PLCB3: variants seen among roughly 807,000 people sequenced by gnomAD.
PLCB3 encodes phospholipase C beta 3.
PLCB3 carries 54 observed loss-of-function variants against 152.1 expected under a neutral mutation model. That is an observed-to-expected ratio of 0.36 (90% confidence interval 0.29 to 0.45). The LOEUF (loss-of-function observed/expected upper bound fraction) is 0.45. Among genes scored for constraint, PLCB3 ranks in the 20% least tolerant of loss-of-function variants. PLCB3 has a pLI of 1.00. For missense variants in PLCB3, 1,248 were observed against 1,687.5 expected (o/e 0.74, Z 4.56); for synonymous variants, 717 against 698.7 (o/e 1.03, Z -0.41).
chr11:64,267,691 C>T lies in PLCB3; in HGVS notation c.*135C>T. ...TATTTTTTTAAACCCGGGGCAAGTA[C>T]CTCAGCTAACTCCCTTCATCCTCCT... On this transcript the variant is annotated 3_prime_UTR_variant, in exon 31 of 31. Coordinates refer to ENST00000279230, the MANE Select transcript of PLCB3 (RefSeq NM_000932.5). The surrounding 1 kb of genome is among the most constrained non-coding windows in gnomAD (Gnocchi z 5.2). The T allele has an allele frequency of 1.4e-6, 1 of 708,516 alleles. No homozygotes were observed. Among genetic ancestry groups the T allele is most frequent in the South Asian group, 2.0e-5 (1 of 50,916 alleles). The allele number at this position is 708,516 out of a possible 1,614,324, so 43.9% of individuals were successfully genotyped here. A position where few individuals can be genotyped will look rare whatever the true frequency, so the allele number is the denominator to read the frequency against.
chr11:64,263,907 G>A, intron 21 of PLCB3, 112 bp downstream of exon 21: 1 of 1,186,136 alleles, frequency 8.4e-7, no homozygotes, highest in Non-Finnish European at 1.2e-6. Context: ...AGGGAACTGA[G>A]TAGGGAACAG....
At chr11:64,260,286 A>G (rs2031782840) in intron 14 of PLCB3, 52 bp downstream of exon 14, 1 of 1,351,670 alleles carries the variant, frequency 7.4e-7, no homozygotes. Context: ...TTTACCTCCC[A>G]GGGGGCTGGG....
intron 1 of PLCB3, among the ~76,000 whole-genome samples, chr11:64,252,387 C>T (rs1267770984): frequency 6.6e-6 from 1 of 152,132 alleles, no homozygotes; most frequent in Non-Finnish European, 1.5e-5. Flanking sequence ...ACCTTGAACC[C>T]CAATACATCC....
chr11:64,263,391 G>A (rs1591112555), intron 19 of PLCB3, 107 bp from the exon 20 acceptor site: 20 of 679,314 alleles, frequency 2.9e-5, no homozygotes, highest in South Asian at 5.5e-5. Flanking sequence ...AGGTCAGCTC[G>A]TCTGAAGGTC....
rs1258197895 is a variant in PLCB3 at position 64,262,698 on chromosome 11, G to A, written c.2245G>A (p.Val749Met). The change falls in exon 19 of 31, where the codon GTG (valine) becomes ATG (methionine). Residue 749 changes from valine (V) to methionine (M), a missense_variant. Val to Met is a conservative substitution (Grantham distance 21). This residue lies in a region of PLCB3 where 244 missense variants were observed against 424.4 expected (regional missense o/e 0.57). Coordinates refer to ENST00000279230, the MANE Select transcript of PLCB3 (RefSeq NM_000932.5). ...SDRKVGIYVE[V>M]DMFGLPVDTR... ...CAGGAAGGTGGGCATCTACGTGGAG[G>A]TGGACATGTTTGGCCTCCCTGTTGA... is the stretch of plus-strand genomic sequence containing the variant. The A allele has an allele frequency of 6.2e-7, 1 of 1,613,876 alleles. No individual in the cohort carries two copies. Among genetic ancestry groups the A allele is most frequent in the Non-Finnish European group, 8.5e-7 (1 of 1,180,034 alleles).
At position 64,251,630 on chromosome 11, in the gene PLCB3, G is replaced by T; in HGVS notation, c.-20G>T. On this transcript the variant is annotated 5_prime_UTR_variant, in exon 1 of 31. Transcript: ENST00000279230. ...CCCCGTCAGGGCTCCGTGGGTCCCC[G>T]ACCCGCCCCTGGCCGGGCCATGGCG... 1 of 1,394,510 alleles carries T rather than the reference G, an allele frequency of 7.2e-7. No homozygotes were observed. Among genetic ancestry groups the T allele is most frequent in the Non-Finnish European group, 9.5e-7 (1 of 1,057,424 alleles). 86.4% of individuals were successfully genotyped at this position (1,394,510 alleles called of 1,614,324 possible).
intron 1 of PLCB3, among the ~76,000 whole-genome samples, chr11:64,253,074 C>T (rs1047099920): frequency 3.9e-5 from 6 of 152,206 alleles, no homozygotes; most frequent in East Asian, 1.9e-4. Flanking sequence ...CCCAGATGAA[C>T]GCCCATCTTT....
Position 64,265,380 on chromosome 11 carries a change from G to C in PLCB3, c.2913G>C (p.Glu971Asp), listed in dbSNP as rs942252516. The C allele has an allele frequency of 1.2e-6, 2 of 1,612,436 alleles. No homozygotes were observed. The highest frequency in any genetic ancestry group is 1.7e-6 in the Non-Finnish European group (2 of 1,179,688). ...TGGTCAAGCTCCGGAGCCGGCAAGA[G>C]CGAGACCTGCGGGAGCTGCGCAAGA... ...KALVKLRSRQ[E>D]RDLRELRKKH... The change falls in exon 25 of 31, where the codon GAG (glutamate) becomes GAC (aspartate). Residue 971 changes from glutamate to aspartate, a missense_variant. Physicochemically the swap from Glu to Asp is conservative, Grantham distance 45. This residue lies in a region of PLCB3 where 477 missense variants were observed against 489.6 expected (regional missense o/e 0.97). Coordinates refer to ENST00000279230, the MANE Select transcript of PLCB3 (RefSeq NM_000932.5).
At chr11:64,265,634 G>A in intron 25 of PLCB3, 132 bp downstream of exon 25, 23 of 1,412,100 alleles carry the variant, frequency 1.6e-5, no homozygotes, top group Non-Finnish European at 2.1e-5. Flanking sequence ...CAAGGATGGA[G>A]GAGGCTTTCC....
intron 14 of PLCB3, among the ~76,000 whole-genome samples, chr11:64,260,926 A>T (rs1668113695): frequency 6.6e-6 from 1 of 152,208 alleles, no homozygotes; most frequent in Non-Finnish European, 1.5e-5. Flanking sequence ...GAGAATGTCC[A>T]TATATGCTGA....
chr11:64,263,124 G>A (rs984867403), intron 19 of PLCB3, among the ~76,000 whole-genome samples: 2 of 152,182 alleles, frequency 1.3e-5, no homozygotes, highest in African/African-American at 4.8e-5. Flanking sequence ...GCTCATATCC[G>A]CTCTTCAGCA....
rs1178670983 is a variant in PLCB3 at position 64,267,212 on chromosome 11, G to A, written c.3442G>A (p.Asp1148Asn). ...RLEEAQKQRH[D>N]RLVAGQQQVL... ...GGAGGAGGCCCAGAAGCAGCGGCAT[G>A]ACCGTCTTGTGGCTGGGCAGCAGCA... Residue 1148 changes from aspartate to asparagine, a missense_variant, in exon 30 of 31, where the codon GAC (aspartate) becomes AAC (asparagine). Coordinates refer to ENST00000279230, the MANE Select transcript of PLCB3 (RefSeq NM_000932.5). This position sits in a 1 kb window ranked among gnomAD's most constrained non-coding sequence, Gnocchi z 5.2. 1.9e-6 allele frequency: 3 copies of A among 1,550,440 alleles called. No homozygotes were observed. The highest frequency in any genetic ancestry group is 1.7e-6 in the Non-Finnish European group (2 of 1,147,000).
Position 64,258,755 on chromosome 11 carries a change from A to G in PLCB3, c.1253+42A>G. 2 of 1,610,228 alleles carry G rather than the reference A, an allele frequency of 1.2e-6. No homozygotes were observed. The highest frequency in any genetic ancestry group is 1.7e-6 in the Non-Finnish European group (2 of 1,177,390). ...CATGAAACCCCATGGACCGGGGGAC[A>G]GTCTTCCAGCTTCAGTGCTGTTGGA... On this transcript the variant is annotated intron_variant, in intron 11 of 30. Transcript: ENST00000279230. This position sits in a 1 kb window ranked among gnomAD's most constrained non-coding sequence, Gnocchi z 7.2.
At chr11:64,260,355 G>A in intron 14 of PLCB3, 121 bp downstream of exon 14, 1 of 696,344 alleles carries the variant, frequency 1.4e-6, no homozygotes, top group Non-Finnish European at 2.5e-6. Flanking sequence ...GTGGGTGTGA[G>A]TGAAGGTGGG....
rs768430776 is a variant in PLCB3, at chr11:64,254,737, G to T, written c.178-11G>T. 4 of 1,612,128 alleles carry T rather than the reference G, an allele frequency of 2.5e-6. No homozygotes were observed. Among genetic ancestry groups the T allele is most frequent in the Non-Finnish European group, 3.4e-6 (4 of 1,179,728 alleles). On this transcript the variant is annotated splice_polypyrimidine_tract_variant and intron_variant, in intron 2 of 30. Transcript: ENST00000279230. The stretch of plus-strand genomic sequence containing the variant: ...CCTCTCATACTCAGCCTGGCATCTG[G>T]TTCCCCCCAGGAGGTGGACACACTG...
chr11:64,259,348 C>T, intron 13 of PLCB3, 104 bp downstream of exon 13: 2 of 992,554 alleles, frequency 2.0e-6, no homozygotes, highest in Non-Finnish European at 2.9e-6. Context: ...ACCCTCCTGC[C>T]TCGCTGTGCG....
chr11:64,254,720 A>T (rs779480410), intron 2 of PLCB3, 28 bp from the exon 3 acceptor site: 1 of 1,609,166 alleles, frequency 6.2e-7, no homozygotes, highest in African/African-American at 1.3e-5. Context: ...AGCCTCTCAT[A>T]CTCAGCCTGG....
intron 8 of PLCB3, 26 bp from the exon 9 acceptor site, chr11:64,256,350 C>T (rs1383693700): frequency 3.7e-6 from 6 of 1,609,038 alleles, no homozygotes; most frequent in African/African-American, 2.7e-5. Flanking sequence ...AGGCTCCATC[C>T]TGACCCAGCT....
chr11:64,264,435 G>T (rs1297811722), intron 22 of PLCB3, among the ~76,000 whole-genome samples: 1 of 152,206 alleles, frequency 6.6e-6, no homozygotes, highest in East Asian at 1.9e-4. Flanking sequence ...CTTCCGTGGG[G>T]AGGGGTCAGG....
Sources: allele counts gnomAD v4.1 joint callset (sites outside exome capture counted in the v4.1 genomes callset), GRCh38; gene constraint gnomAD v4.1.1; regional missense constraint gnomAD v4.1.1; non-coding constraint Gnocchi (gnomAD v3.1); transcripts MANE v1.5; gene names NCBI Gene and HGNC (gene_info 2026-07-23, HGNC 2026-07-21).